Variants in CYP4F11 observed in about 807,000 individuals in gnomAD.
CYP4F11 encodes cytochrome P450 family 4 subfamily F member 11.
Under a neutral mutation model 62.2 loss-of-function variants are expected in CYP4F11, and 79 were observed. The observed-to-expected ratio is 1.27, with a 90% CI of 1.06 to 1.53. The LOEUF (loss-of-function observed/expected upper bound fraction) is 1.53. CYP4F11 is among the 40% of genes most tolerant of loss of function. CYP4F11 has a pLI of 0.00. For synonymous variants in CYP4F11, 290 were observed against 263.7 expected (o/e 1.10, Z -0.97); for missense variants, 777 against 680.5 (o/e 1.14, Z -1.58).
intron 4 of CYP4F11, among the ~76,000 whole-genome samples, chr19:15,925,630 T>C (rs1405984963): frequency 2.6e-5 from 4 of 151,604 alleles, no homozygotes; most frequent in Non-Finnish European, 5.9e-5. Flanking sequence ...CATTTATACC[T>C]ACGTAACAAA....
rs1669611808 is a variant in CYP4F11 at position 15,913,411 on chromosome 19, G to A, written c.*321C>T. On this transcript the variant is annotated 3_prime_UTR_variant, in exon 12 of 12. Transcript: ENST00000402119. ...TGTTTCTCGCTGAATCAGAGTCTCA[G>A]TCTTGCTCCTTAAACCCATTCTTAA... The A allele has an allele frequency of 1.3e-5, 5 of 370,560 alleles. No homozygotes were observed. Among genetic ancestry groups the A allele is most frequent in the South Asian group, 7.1e-5 (3 of 42,290 alleles). The allele number at this position is 370,560 out of a possible 1,614,324, so 23.0% of individuals were successfully genotyped here.
rs2089551064 is a variant in CYP4F11, at chr19:15,913,165, TG to T, written c.*566del. The T allele has an allele frequency of 6.3e-6, 1 of 159,164 alleles. No homozygotes were observed. Among genetic ancestry groups the T allele is most frequent in the Non-Finnish European group, 1.4e-5 (1 of 71,518 alleles). 9.9% of individuals were successfully genotyped at this position (159,164 alleles called of 1,614,324 possible). A position where few individuals can be genotyped will look rare whatever the true frequency, so the allele number is the denominator to read the frequency against. ...AGCCAGGACTTGAGCCCAAGCAGTC[TG>T]GCTCCAGATCCTATGCCTCTGAAAG... is the stretch of plus-strand genomic sequence containing the variant. On this transcript the variant is annotated 3_prime_UTR_variant, in exon 12 of 12. Transcript: ENST00000402119.
rs2089544837 is a variant in CYP4F11, at chr19:15,912,743, ATATGTGTGTGTGTG to A, written c.*975_*988del. On this transcript the variant is annotated 3_prime_UTR_variant, in exon 12 of 12. Coordinates refer to ENST00000402119, the MANE Select transcript of CYP4F11 (RefSeq NM_021187.4). The stretch of plus-strand genomic sequence containing the variant: ...TGTGTGTGTGTGTGTGTATATGTAT[ATATGTGTGTGTGTG>A]TGTGTGTGTGTGTGTATATATATAT... 10 of 34,114 alleles carry A rather than the reference ATATGTGTGTGTGTG, an allele frequency of 2.9e-4. No homozygotes were observed. Among genetic ancestry groups the A allele is most frequent in the African/African-American group, 1.2e-3 (10 of 8,656 alleles). The allele number at this position is 34,114 out of a possible 1,614,324, so 2.1% of individuals were successfully genotyped here.
At position 15,921,652 on chromosome 19, in the gene CYP4F11, G is replaced by A. The variant is rs572345865; in HGVS notation, c.1115+385C>T. Reference sequence around the variant, plus strand: ...TAGGAATGAATGACTTTTACCCTCAGGTCTCTCTTATAAATCCCTGGACTG... The same window carrying A: ...TAGGAATGAATGACTTTTACCCTCAAGTCTCTCTTATAAATCCCTGGACTG... On this transcript the variant is annotated intron_variant, in intron 8 of 11. Transcript: ENST00000402119. 9.8e-5 allele frequency among the ~76,000 whole-genome samples: 15 copies of A among 152,320 alleles called. 1 individual carries two copies. In the South Asian group the frequency reaches 3.1e-3, roughly 32 times the overall value.
chr19:15,933,836 G>A lies in CYP4F11; in HGVS notation c.198+375C>T, dbSNP rs1272460301. ...AATGAGTGAGTGAGGAGAAGAATGA[G>A]TGAGTGAGGAGAGGAATGAGTGAGT... On this transcript the variant is annotated intron_variant, in intron 1 of 11. Transcript: ENST00000402119. 4.1e-5 allele frequency among the ~76,000 whole-genome samples: 2 copies of A among 48,448 alleles called. 1 individual carries two copies. The highest frequency in any genetic ancestry group is 2.0e-3 in the South Asian group (2 of 1,012). The allele number at this position is 48,448 out of a possible 152,430, so 31.8% of individuals were successfully genotyped here.
Position 15,931,533 on chromosome 19 carries a change from T to C in CYP4F11, c.199-1932A>G, listed in dbSNP as rs371793787. 3.1e-4 allele frequency among the ~76,000 whole-genome samples: 32 copies of C among 102,876 alleles called. 1 individual carries two copies. Among genetic ancestry groups the C allele is most frequent in the East Asian group, 2.6e-3 (9 of 3,448 alleles). 67.5% of individuals were successfully genotyped at this position (102,876 alleles called of 152,430 possible). A position where few individuals can be genotyped will look rare whatever the true frequency, so the allele number is the denominator to read the frequency against. On this transcript the variant is annotated intron_variant, in intron 1 of 11. Transcript: ENST00000402119. ...GACTTGGGATGGCACATCAGAGGAATGAGTGAGCGGGGAGAGGAATGAGTG... is the reference window on the plus strand; with the variant it reads ...GACTTGGGATGGCACATCAGAGGAACGAGTGAGCGGGGAGAGGAATGAGTG...
At chr19:15,928,737 G>A (rs1320209103) in intron 2 of CYP4F11, among the ~76,000 whole-genome samples, 1 of 152,184 alleles carries the variant, frequency 6.6e-6, no homozygotes, top group African/African-American at 2.4e-5. Flanking sequence ...TCAAGCACAG[G>A]ATGAGCAGAG....
intron 2 of CYP4F11, chr19:15,927,752 G>T (rs2089681769): frequency 1.9e-6 from 1 of 517,512 alleles, no homozygotes; most frequent in African/African-American, 1.9e-5. Context: ...CAACACCTGA[G>T]CATAGCTCAA....
intron 2 of CYP4F11, chr19:15,927,858 G>A: frequency 4.5e-6 from 1 of 224,046 alleles, no homozygotes; most frequent in Non-Finnish European, 8.8e-6. Context: ...CTGGAATATT[G>A]CCCCGACAGT....
chr19:15,931,577 TGAGC>T (rs1307663794), intron 1 of CYP4F11, among the ~76,000 whole-genome samples: 3 of 115,748 alleles, frequency 2.6e-5, no homozygotes, highest in East Asian at 5.2e-4. Context: ...GAGGAATGAG[TGAGC>T]GAGGAGAGGA....
intron 11 of CYP4F11, 117 bp downstream of exon 11, chr19:15,914,188 T>A: frequency 1.5e-6 from 2 of 1,324,582 alleles, no homozygotes; most frequent in South Asian, 2.7e-5. Context: ...CAGTTGCCCA[T>A]GAACTCCTGA....
At chr19:15,929,630 T>C (rs575354374) in intron 1 of CYP4F11, 29 bp from the exon 2 acceptor site, 272 of 1,553,718 alleles carry the variant, frequency 1.8e-4, no homozygotes, top group Non-Finnish European at 2.0e-4. Flanking sequence ...CCGTCAGCCC[T>C]TGTGATGGTT....
upstream of CYP4F11, chr19:15,934,535 G>A (rs1034446814): frequency 1.2e-5 from 14 of 1,127,398 alleles, no homozygotes; most frequent in African/African-American, 1.4e-4. Flanking sequence ...GCTCTGAGAT[G>A]GGTAAACAAG....
intron 1 of CYP4F11, among the ~76,000 whole-genome samples, 188 bp from the exon 2 acceptor site, chr19:15,929,789 G>T (rs549502549): frequency 6.6e-6 from 1 of 152,310 alleles, no homozygotes; most frequent in South Asian, 2.1e-4. Flanking sequence ...AACTGAGGAA[G>T]GATGATCCAC....
chr19:15,934,170 T>G, intron 1 of CYP4F11, 41 bp downstream of exon 1: 28 of 1,601,578 alleles, frequency 1.7e-5, no homozygotes, highest in Non-Finnish European at 2.3e-5. Flanking sequence ...AGGAACTCCA[T>G]GCATCCTGAG....
chr19:15,923,667 C>T (rs746741041), intron 6 of CYP4F11, 145 bp downstream of exon 6: 3 of 1,144,704 alleles, frequency 2.6e-6, no homozygotes, highest in Non-Finnish European at 3.7e-6. Context: ...TCCACAGAGT[C>T]ATCTCTCAAA....
At chr19:15,920,051 G>A (rs138363262) in intron 8 of CYP4F11, among the ~76,000 whole-genome samples, 6 of 152,138 alleles carry the variant, frequency 3.9e-5, no homozygotes, top group Non-Finnish European at 4.4e-5. Context: ...TTTCCAAAAC[G>A]GCTAAAAGAG....
chr19:15,923,896 G>T lies in CYP4F11; in HGVS notation c.834C>A (p.Leu278=), dbSNP rs764006246. The T allele has an allele frequency of 4.6e-5, 74 of 1,614,080 alleles. No homozygotes were observed. Among genetic ancestry groups the T allele is most frequent in the Non-Finnish European group, 5.9e-5 (70 of 1,180,054 alleles). Residue 278 remains leucine, a synonymous_variant, in exon 6 of 12, where the codon CTC becomes CTA. Transcript: ENST00000402119. ...GGAAATCATCAATACCCTGAGTGGG[G>T]AGGGTGCAGCGCCGCTCCTGGATGA... ...DAVIQERRCT[L]PTQGIDDFLK...
chr19:15,925,177 A>G (rs531816605), intron 4 of CYP4F11, among the ~76,000 whole-genome samples: 18 of 152,284 alleles, frequency 1.2e-4, no homozygotes, highest in African/African-American at 4.3e-4. Flanking sequence ...AATCTTCAGT[A>G]ACAGTTAGGA....
Sources: gnomAD v4.1 joint callset for allele counts (sites outside exome capture counted in the v4.1 genomes callset) on GRCh38, gnomAD v4.1.1 for gene constraint, MANE v1.5 for transcripts, NCBI Gene and HGNC (gene_info 2026-07-23, HGNC 2026-07-21) for gene names.